The following OR4D9 variants were observed in gnomAD, a reference collection of about 807,000 sequenced individuals.
OR4D9 encodes the protein olfactory receptor family 4 subfamily D member 9.
Under a neutral mutation model 0.8 loss-of-function variants are expected in OR4D9, and 2 were observed. That is an observed-to-expected ratio of 2.58 (90% CI 1.06 to 8.13). The LOEUF (loss-of-function observed/expected upper bound fraction) is 8.13. Among genes scored for constraint, OR4D9 ranks in the 30% most tolerant of loss-of-function variants. The pLI is 0.04. For missense variants in OR4D9, 399 were observed against 384.7 expected (o/e 1.04, Z -0.31); for synonymous variants, 146 against 151.2 (o/e 0.97, Z 0.25).
At position 59,515,747 on chromosome 11, in the gene OR4D9, TC is replaced by T; in HGVS notation, c.839del (p.Pro280LeufsTer6). 1 of 1,613,882 alleles carries T rather than the reference TC, an allele frequency of 6.2e-7. No individual in the cohort carries two copies. Among genetic ancestry groups the T allele is most frequent in the Non-Finnish European group, 8.5e-7 (1 of 1,179,962 alleles). On this transcript the variant is annotated frameshift_variant, in exon 3 of 3. Transcript: ENST00000641962. LOFTEE classifies it low-confidence loss of function (END_TRUNC). ...CATCTCTGTCACCTTCACTGTCATC[TC>T]CCCTTTGCTCAATCCTATAATTTAC... Reference protein sequence around the residue: ...TAISVTFTVISPLLNPIIYTL... With the variant: ...TAISVTFTVIXPLLNPIIYTL...
At chr11:59,513,579 A>T (rs888900183) in intron 1 of OR4D9, among the ~76,000 whole-genome samples, 6 of 152,214 alleles carry the variant, frequency 3.9e-5, no homozygotes, top group African/African-American at 1.4e-4. Context: ...AACGTAACAC[A>T]GTTTATTTAT....
chr11:59,516,109 A>G lies in OR4D9; in HGVS notation c.*252A>G. 1 of 376,390 alleles carries G rather than the reference A, an allele frequency of 2.7e-6. No homozygotes were observed. Among genetic ancestry groups the G allele is most frequent in the Non-Finnish European group, 4.7e-6 (1 of 210,554 alleles). The allele number at this position is 376,390 out of a possible 1,614,324, so 23.3% of individuals were successfully genotyped here. ...TTATAGAGCATACACTATATGTCTG[A>G]AAGTACTGGGATTCAGATTGCTGCA... is the stretch of plus-strand genomic sequence containing the variant. On this transcript the variant is annotated 3_prime_UTR_variant, in exon 3 of 3. Transcript: ENST00000641962.
chr11:59,512,842 A>G (rs1386582094), intron 1 of OR4D9, among the ~76,000 whole-genome samples: 3 of 152,150 alleles, frequency 2.0e-5, no homozygotes, highest in Non-Finnish European at 4.4e-5. Flanking sequence ...CAAAAAAACA[A>G]CAACACAACA....
At chr11:59,512,490 A>G (rs1232666271) in intron 1 of OR4D9, among the ~76,000 whole-genome samples, 1 of 151,076 alleles carries the variant, frequency 6.6e-6, no homozygotes, top group African/African-American at 2.4e-5. Flanking sequence ...AAAAAAAAAA[A>G]AAAGAACATC....
chr11:59,517,136 C>A lies in OR4D9; in HGVS notation c.*1279C>A. 6.6e-6 allele frequency: 1 copy of A among 151,512 alleles called. No individual in the cohort carries two copies. The highest frequency in any genetic ancestry group is 2.0e-4 in the South Asian group (1 of 4,906). 9.4% of individuals were successfully genotyped at this position (151,512 alleles called of 1,614,324 possible). ...ACATGATGATGCACACCTGTAGTCC[C>A]AGCTACTTGAGAGACTGAGGCAGGA... On this transcript the variant is annotated 3_prime_UTR_variant, in exon 3 of 3. Transcript: ENST00000641962.
Position 59,519,300 on chromosome 11 carries a change from G to A in OR4D9, c.*3443G>A, listed in dbSNP as rs1859444878. ...CCTGGGGAAGTCAAGGGTGCAGCGA[G>A]CCATGAATGCCCCACCGTACTCCCA... On this transcript the variant is annotated 3_prime_UTR_variant, in exon 3 of 3. Coordinates refer to ENST00000641962, the MANE Select transcript of OR4D9 (RefSeq NM_001004711.2). The A allele has an allele frequency of 6.6e-6, 1 of 151,732 alleles. No individual in the cohort carries two copies. The allele number at this position is 151,732 out of a possible 1,614,324, so 9.4% of individuals were successfully genotyped here.
rs1859408469 is a variant in OR4D9, at chr11:59,516,565, A to G, written c.*708A>G. 1 of 152,232 alleles carries G rather than the reference A, an allele frequency of 6.6e-6. No homozygotes were observed. The highest frequency in any genetic ancestry group is 2.4e-5 in the African/African-American group (1 of 41,472). The allele number at this position is 152,232 out of a possible 1,614,324, so 9.4% of individuals were successfully genotyped here. ...CCACAATATTACTTGAGAGTTTCCAAAGACATTTAACAGCCAGTAGACATT... is the reference window on the plus strand; with the variant it reads ...CCACAATATTACTTGAGAGTTTCCAGAGACATTTAACAGCCAGTAGACATT... On this transcript the variant is annotated 3_prime_UTR_variant, in exon 3 of 3. Coordinates refer to ENST00000641962, the MANE Select transcript of OR4D9 (RefSeq NM_001004711.2).
In OR4D9 at chr11:59,517,139, C is replaced by T. The variant is rs1859415577; in HGVS notation, c.*1282C>T. The stretch of plus-strand genomic sequence containing the variant: ...TGATGATGCACACCTGTAGTCCCAG[C>T]TACTTGAGAGACTGAGGCAGGAGAG... On this transcript the variant is annotated 3_prime_UTR_variant, in exon 3 of 3. Transcript: ENST00000641962. The T allele has an allele frequency of 6.6e-6, 1 of 151,606 alleles. No individual in the cohort carries two copies. Among genetic ancestry groups the T allele is most frequent in the Non-Finnish European group, 1.5e-5 (1 of 67,906 alleles). 9.4% of individuals were successfully genotyped at this position (151,606 alleles called of 1,614,324 possible). A position where few individuals can be genotyped will look rare whatever the true frequency, so the allele number is the denominator to read the frequency against.
chr11:59,514,293 TTCTA>T (rs2134585300), intron 1 of OR4D9, among the ~76,000 whole-genome samples: 1 of 152,306 alleles, frequency 6.6e-6, no homozygotes, highest in South Asian at 2.1e-4. Context: ...TCTTTTCAGT[TTCTA>T]TCTTTTTCAA....
chr11:59,514,935 G>C lies in OR4D9; in HGVS notation c.23G>C (p.Arg8Thr), dbSNP rs575215365. 2 of 1,611,676 alleles carry C rather than the reference G, an allele frequency of 1.2e-6. No individual in the cohort carries two copies. The highest frequency in any genetic ancestry group is 2.2e-5 in the South Asian group (2 of 90,790). ...TCAATGGATCAGAGAAATTACACCAGAGTGAAAGAATTTACCTTCCTGGGA... is the reference window on the plus strand; with the variant it reads ...TCAATGGATCAGAGAAATTACACCACAGTGAAAGAATTTACCTTCCTGGGA... MDQRNYT[R>T]VKEFTFLGIT... The change falls in exon 3 of 3, where the codon AGA (arginine) becomes ACA (threonine). Residue 8 changes from arginine to threonine, a missense_variant. By Grantham distance (71) the Arg-to-Thr change is moderately conservative. Transcript: ENST00000641962.
Position 59,519,962 on chromosome 11 carries a change from C to T in OR4D9, c.*4105C>T, listed in dbSNP as rs1011467316. The T allele has an allele frequency of 1.3e-5, 2 of 152,098 alleles. No homozygotes were observed. Among genetic ancestry groups the T allele is most frequent in the African/African-American group, 4.8e-5 (2 of 41,410 alleles). The allele number at this position is 152,098 out of a possible 1,614,324, so 9.4% of individuals were successfully genotyped here. A position where few individuals can be genotyped will look rare whatever the true frequency, so the allele number is the denominator to read the frequency against. On this transcript the variant is annotated 3_prime_UTR_variant, in exon 3 of 3. Coordinates refer to ENST00000641962, the MANE Select transcript of OR4D9 (RefSeq NM_001004711.2). The stretch of plus-strand genomic sequence containing the variant: ...GCAAATTAATGCAGGAACAAAAAAT[C>T]GAATACCACATGTTCTCACTTATGG...
chr11:59,511,550 A>G lies in OR4D9; in HGVS notation c.-321A>G, dbSNP rs1353104885. The G allele has an allele frequency of 6.6e-6, 1 of 152,220 alleles. No individual in the cohort carries two copies. Among genetic ancestry groups the G allele is most frequent in the Non-Finnish European group, 1.5e-5 (1 of 68,024 alleles). The allele number at this position is 152,220 out of a possible 1,614,324, so 9.4% of individuals were successfully genotyped here. ...TTTACATTAAACAGAGAATTTCCCC[A>G]GTACCTACTTCTTCTAAAATGCAGC... On this transcript the variant is annotated 5_prime_UTR_variant, in exon 1 of 3. Transcript: ENST00000641962.
Position 59,520,081 on chromosome 11 carries a change from G to A in OR4D9, c.*4224G>A, listed in dbSNP as rs1414543089. 6.6e-6 allele frequency: 1 copy of A among 151,850 alleles called. No individual in the cohort carries two copies. The highest frequency in any genetic ancestry group is 2.4e-5 in the African/African-American group (1 of 41,342). The allele number at this position is 151,850 out of a possible 1,614,324, so 9.4% of individuals were successfully genotyped here. ...GGGGAGGAGGGTGGGAAGAGTGTGA[G>A]GTCAGAAAACTACCTATTAGGTACT... On this transcript the variant is annotated 3_prime_UTR_variant, in exon 3 of 3. Transcript: ENST00000641962.
chr11:59,517,110 G>A lies in OR4D9; in HGVS notation c.*1253G>A, dbSNP rs1166893862. 2 of 151,554 alleles carry A rather than the reference G, an allele frequency of 1.3e-5. No individual in the cohort carries two copies. The highest frequency in any genetic ancestry group is 2.9e-5 in the Non-Finnish European group (2 of 67,948). The allele number at this position is 151,554 out of a possible 1,614,324, so 9.4% of individuals were successfully genotyped here. A position where few individuals can be genotyped will look rare whatever the true frequency, so the allele number is the denominator to read the frequency against. Reference sequence around the variant, plus strand: ...TTAATAAATAAATAAAAATTAACCAGACATGATGATGCACACCTGTAGTCC... The same window carrying A: ...TTAATAAATAAATAAAAATTAACCAAACATGATGATGCACACCTGTAGTCC... On this transcript the variant is annotated 3_prime_UTR_variant, in exon 3 of 3. Coordinates refer to ENST00000641962, the MANE Select transcript of OR4D9 (RefSeq NM_001004711.2).
At position 59,514,811 on chromosome 11, in the gene OR4D9, T is replaced by A. The variant is rs60978271; in HGVS notation, c.-31+45T>A. 9.1e-3 allele frequency: 7,361 copies of A among 807,546 alleles called. 383 individuals carry two copies. The African/African-American group carries it at 0.11, about 12-fold the overall frequency. The allele number at this position is 807,546 out of a possible 1,614,324, so 50.0% of individuals were successfully genotyped here. A position where few individuals can be genotyped will look rare whatever the true frequency, so the allele number is the denominator to read the frequency against. ...AGCTTCCTCCTAATTCTGAGCCAAA[T>A]CTTAAGTGAAAAGACAACACTAGAT... On this transcript the variant is annotated intron_variant, in intron 2 of 2. Transcript: ENST00000641962.
At position 59,517,232 on chromosome 11, in the gene OR4D9, TC is replaced by T. The variant is rs1859416712; in HGVS notation, c.*1376del. On this transcript the variant is annotated 3_prime_UTR_variant, in exon 3 of 3. Transcript: ENST00000641962. ...CCTGAGCAACAGATCAAGACACTTG[TC>T]AAAAAAAAAAAAGAAAAGAAAAGAC... 8.3e-6 allele frequency: 1 copy of T among 120,958 alleles called. No homozygotes were observed. The highest frequency in any genetic ancestry group is 1.9e-5 in the Non-Finnish European group (1 of 53,750). 7.5% of individuals were successfully genotyped at this position (120,958 alleles called of 1,614,324 possible). A position where few individuals can be genotyped will look rare whatever the true frequency, so the allele number is the denominator to read the frequency against.
At position 59,515,531 on chromosome 11, in the gene OR4D9, A is replaced by T; in HGVS notation, c.619A>T (p.Ser207Cys). ...GATGATTTCAAATAATGGGTTAGTC[A>T]GTTGGTTTGTATTCTTCTTTCTCCT... ...LLMISNNGLVSWFVFFFLLIS... is the reference protein window; with the variant it reads ...LLMISNNGLVCWFVFFFLLIS... The change falls in exon 3 of 3, where the codon AGT (serine) becomes TGT (cysteine). Residue 207 changes from serine to cysteine, a missense_variant. Physicochemically the swap from Ser to Cys is moderately radical, Grantham distance 112 (BLOSUM62 -1). Coordinates refer to ENST00000641962, the MANE Select transcript of OR4D9 (RefSeq NM_001004711.2). 1 of 1,614,172 alleles carries T rather than the reference A, an allele frequency of 6.2e-7. No individual in the cohort carries two copies. The highest frequency in any genetic ancestry group is 8.5e-7 in the Non-Finnish European group (1 of 1,180,046).
At position 59,515,679 on chromosome 11, in the gene OR4D9, A is replaced by G. The variant is rs150341599; in HGVS notation, c.767A>G (p.Tyr256Cys). The G allele has an allele frequency of 1.1e-3, 1,742 of 1,613,962 alleles. 4 individuals are homozygous for G. Among genetic ancestry groups the G allele is most frequent in the Non-Finnish European group, 1.3e-3 (1,582 of 1,179,992 alleles). The change falls in exon 3 of 3, where the codon TAT becomes TGT. Residue 256 changes from tyrosine (Y) to cysteine (C), a missense_variant. By Grantham distance (194) the Tyr-to-Cys change is radical. Transcript: ENST00000641962. ...VVTLHFVPCI[Y>C]VYARPFTALP... ...ACCCTGCATTTCGTGCCCTGCATCT[A>G]TGTCTATGCCCGGCCCTTCACTGCC... is the stretch of plus-strand genomic sequence containing the variant.
intron 1 of OR4D9, among the ~76,000 whole-genome samples, chr11:59,512,041 C>T (rs1158323208): frequency 6.6e-6 from 1 of 152,088 alleles, no homozygotes; most frequent in African/African-American, 2.4e-5. Context: ...CCTTCATGTA[C>T]CACTGAATAA....
Sources: gnomAD v4.1 joint callset for allele counts (sites outside exome capture counted in the v4.1 genomes callset) on GRCh38, gnomAD v4.1.1 for gene constraint, MANE v1.5 for transcripts, NCBI Gene and HGNC (gene_info 2026-07-23, HGNC 2026-07-21) for gene names.